Variants in PTPRQ observed in about 807,000 individuals in gnomAD.
PTPRQ encodes the protein protein tyrosine phosphatase receptor type Q, also known as phosphatidylinositol phosphatase PTPRQ.
PTPRQ carries 199 observed loss-of-function variants against 246.0 expected under a neutral mutation model. That is an observed-to-expected ratio of 0.81 (90% CI 0.72 to 0.91). PTPRQ has a LOEUF of 0.91. Among genes scored for constraint, PTPRQ ranks in the 40% least tolerant of loss-of-function variants. PTPRQ has a pLI of 0.00. For missense variants in PTPRQ, 2,624 were observed against 2,528.4 expected (o/e 1.04, Z -0.81); for synonymous variants, 869 against 853.2 (o/e 1.02, Z -0.32).
intron 38 of PTPRQ, among the ~76,000 whole-genome samples, chr12:80,654,019 T>TTTCTTTCTTTC (rs1565843331): frequency 2.0e-5 from 3 of 151,728 alleles, no homozygotes; most frequent in African/African-American, 7.3e-5. Context: ...TTCTTTCTTT[T>TTTCTTTCTTTC]TTTCTTTCTT....
At position 80,539,974 on chromosome 12, in the gene PTPRQ, T is replaced by G. The variant is rs554664287; in HGVS notation, c.3154+30T>G. The G allele has an allele frequency of 1.3e-5, 19 of 1,413,096 alleles. No individual in the cohort carries two copies. The South Asian group carries it at 2.9e-4, about 21-fold the overall frequency. The allele number at this position is 1,413,096 out of a possible 1,614,324, so 87.5% of individuals were successfully genotyped here. A position where few individuals can be genotyped will look rare whatever the true frequency, so the allele number is the denominator to read the frequency against. On this transcript the variant is annotated intron_variant, in intron 20 of 44. Transcript: ENST00000644991. ...GTAAACAAAAAACACTAATCTTTAA[T>G]ATGATTAATTTAAAACTTATTATTT...
At chr12:80,548,278 G>T (rs1423010874) in intron 24 of PTPRQ, among the ~76,000 whole-genome samples, 2 of 151,822 alleles carry the variant, frequency 1.3e-5, no homozygotes, top group Non-Finnish European at 2.9e-5. Flanking sequence ...CAGGAAAATG[G>T]ATATTCACAA....
rs28790689 is a variant in PTPRQ at position 80,464,107 on chromosome 12, T to G, written c.910+3205T>G. On this transcript the variant is annotated intron_variant, in intron 6 of 44. Transcript: ENST00000644991. The stretch of plus-strand genomic sequence containing the variant: ...TAAAGAGTCAAGACCCATCAGTGTG[T>G]TGTATTCAGGAAACCCATCTCACAT... Among the ~76,000 whole-genome samples, 331 of 151,838 alleles carry G rather than the reference T, an allele frequency of 2.2e-3. 1 individual carries two copies. Among genetic ancestry groups the G allele is most frequent in the Non-Finnish European group, 2.8e-3 (187 of 67,968 alleles).
chr12:80,623,991 C>T (rs1451718243), intron 33 of PTPRQ, among the ~76,000 whole-genome samples: 1 of 152,174 alleles, frequency 6.6e-6, no homozygotes, highest in Non-Finnish European at 1.5e-5. Context: ...TCTTCTCTTT[C>T]TTCTTTCCAC....
intron 31 of PTPRQ, among the ~76,000 whole-genome samples, 171 bp downstream of exon 31, chr12:80,619,713 A>C (rs1305722044): frequency 6.6e-6 from 1 of 151,444 alleles, no homozygotes; most frequent in African/African-American, 2.4e-5. Context: ...TAAATAAATA[A>C]ATTATTTATT....
chr12:80,527,999 A>T (rs1191694635), intron 17 of PTPRQ, among the ~76,000 whole-genome samples: 1 of 152,084 alleles, frequency 6.6e-6, no homozygotes. Flanking sequence ...TGGGAGGAGC[A>T]CCTGAGCCTG....
At chr12:80,511,129 T>A (rs1895114391) in intron 17 of PTPRQ, among the ~76,000 whole-genome samples, 1 of 152,152 alleles carries the variant, frequency 6.6e-6, no homozygotes, top group African/African-American at 2.4e-5. Context: ...ACACAATACT[T>A]CGTAAAACAT....
intron 8 of PTPRQ, among the ~76,000 whole-genome samples, chr12:80,482,062 C>T (rs182877154): frequency 0.17 from 25,870 of 149,862 alleles, 2,410 homozygotes; most frequent in Middle Eastern, 0.23. Flanking sequence ...GAGCCCGCAT[C>T]GCCAAGTCAA....
intron 10 of PTPRQ, 142 bp downstream of exon 10, chr12:80,493,597 C>T: frequency 8.0e-7 from 1 of 1,250,212 alleles, no homozygotes; most frequent in Non-Finnish European, 1.1e-6. Flanking sequence ...TGTCGGAAAA[C>T]CTCATGCAAC....
chr12:80,600,230 C>G (rs1488474787), intron 26 of PTPRQ, among the ~76,000 whole-genome samples: 1 of 151,708 alleles, frequency 6.6e-6, no homozygotes, highest in African/African-American at 2.4e-5. Flanking sequence ...TATGTGTTGT[C>G]ATGAATGATC....
intron 9 of PTPRQ, among the ~76,000 whole-genome samples, chr12:80,490,018 T>C (rs1219869240): frequency 9.2e-6 from 1 of 108,726 alleles, no homozygotes; most frequent in African/African-American, 2.8e-5. Context: ...GCTTGGCTGG[T>C]TGCTAGGAAT....
chr12:80,631,056 G>A (rs1899413332), intron 33 of PTPRQ, among the ~76,000 whole-genome samples: 1 of 152,064 alleles, frequency 6.6e-6, no homozygotes, highest in African/African-American at 2.4e-5. Flanking sequence ...TAACATTTAT[G>A]CAGCAAAATT....
At chr12:80,496,712 T>A (rs567480820) in intron 14 of PTPRQ, among the ~76,000 whole-genome samples, 181 bp downstream of exon 14, 1 of 152,192 alleles carries the variant, frequency 6.6e-6, no homozygotes, top group African/African-American at 2.4e-5. Flanking sequence ...TTGTACAAAT[T>A]TTTAAGTCTG....
At chr12:80,607,747 G>A (rs1898381475) in intron 27 of PTPRQ, among the ~76,000 whole-genome samples, 1 of 150,796 alleles carries the variant, frequency 6.6e-6, no homozygotes, top group Non-Finnish European at 1.5e-5. Context: ...CTTTAAAAGT[G>A]TAAACAAAAA....
intron 28 of PTPRQ, among the ~76,000 whole-genome samples, chr12:80,612,388 AAAAC>A (rs1241679963): frequency 2.0e-5 from 3 of 150,478 alleles, no homozygotes; most frequent in African/African-American, 4.8e-5. Flanking sequence ...CATTGTTGGT[AAAAC>A]AAACAAACAA....
At position 80,508,015 on chromosome 12, in the gene PTPRQ, G is replaced by A. The variant is rs112826011; in HGVS notation, c.2557+1345G>A. ...AATTTGAGATCTTATATGATGGAATGAGACCAGTAGTGAACATATATTTTG... is the reference window on the plus strand; with the variant it reads ...AATTTGAGATCTTATATGATGGAATAAGACCAGTAGTGAACATATATTTTG... On this transcript the variant is annotated intron_variant, in intron 16 of 44. Transcript: ENST00000644991. 2.9e-4 allele frequency among the ~76,000 whole-genome samples: 44 copies of A among 152,096 alleles called. 1 individual carries two copies. The highest frequency in any genetic ancestry group is 1.0e-3 in the African/African-American group (43 of 41,548).
At position 80,668,198 on chromosome 12, in the gene PTPRQ, T is replaced by G. The variant is rs561994533; in HGVS notation, c.6193-809T>G. ...TTTTTAACTTATACATTACCTTTCT[T>G]TAAAAGAAATCCACAGATACTGTTC... On this transcript the variant is annotated intron_variant, in intron 39 of 44. Coordinates refer to ENST00000644991, the MANE Select transcript of PTPRQ (RefSeq NM_001145026.2). 5.3e-4 allele frequency among the ~76,000 whole-genome samples: 80 copies of G among 152,048 alleles called. 1 individual carries two copies. The South Asian group carries it at 0.016, about 30-fold the overall frequency.
chr12:80,583,789 C>G (rs1207657588), intron 25 of PTPRQ: 1 of 152,218 alleles, frequency 6.6e-6, no homozygotes, highest in Admixed American at 6.5e-5. Flanking sequence ...CTGAAGTCAA[C>G]TTGTCAGTCA....
At chr12:80,483,203 A>T (rs1397148741) in intron 8 of PTPRQ, among the ~76,000 whole-genome samples, 1 of 127,792 alleles carries the variant, frequency 7.8e-6, no homozygotes, top group Non-Finnish European at 1.7e-5. Flanking sequence ...GCCATAAAAA[A>T]TGATGAGTTC....
Sources: allele counts gnomAD v4.1 joint callset (sites outside exome capture counted in the v4.1 genomes callset), GRCh38; gene constraint gnomAD v4.1.1; transcripts MANE v1.5; gene names NCBI Gene and HGNC (gene_info 2026-07-23, HGNC 2026-07-21).